Variants in F8 observed in about 807,000 individuals in gnomAD.
F8 encodes the protein coagulation factor VIII.
Under a neutral mutation model 140.6 loss-of-function variants are expected in F8, and 12 were observed. The observed-to-expected ratio is 0.09, with a 90% CI of 0.05 to 0.14. The LOEUF (loss-of-function observed/expected upper bound fraction) is 0.14. Among genes scored for constraint, F8 ranks in the 10% least tolerant of loss-of-function variants. The pLI is 1.00. For missense variants in F8, 1,354 were observed against 1,720.7 expected (o/e 0.79, Z 3.77); for synonymous variants, 585 against 614.6 (o/e 0.95, Z 0.71).
chrX:154,969,574 C>A, intron 6 of F8, 22 bp from the exon 7 acceptor site: 1 of 1,153,506 alleles, frequency 8.7e-7, no homozygotes, highest in Non-Finnish European at 1.2e-6. Context: ...GAATAAGACA[C>A]CTATGGCTAT....
chrX:154,854,170 TTA>T (rs1557272326), intron 25 of F8, among the ~76,000 whole-genome samples: 2 of 112,402 alleles, frequency 1.8e-5, no homozygotes, highest in Non-Finnish European at 3.8e-5. Context: ...GTGGTTAATT[TTA>T]TGTGTCAACT....
At chrX:154,946,598 T>C (rs1414718805) in intron 13 of F8, among the ~76,000 whole-genome samples, 4 of 111,731 alleles carry the variant, frequency 3.6e-5, no homozygotes, top group Admixed American at 1.9e-4. Flanking sequence ...GACTAAAATA[T>C]ACAACCTGAA....
chrX:154,850,277 T>A (rs1359618930), intron 25 of F8, among the ~76,000 whole-genome samples: 6 of 109,470 alleles, frequency 5.5e-5, no homozygotes, highest in African/African-American at 2.0e-4. Flanking sequence ...TACAAGCGCA[T>A]GCCAGCATGT....
chrX:154,986,828 A>G (rs1401081225), intron 5 of F8, among the ~76,000 whole-genome samples: 1 of 111,950 alleles, frequency 8.9e-6, no homozygotes, highest in Non-Finnish European at 1.9e-5. Context: ...ACAGTGCTCT[A>G]GGTTACTTAA....
intron 6 of F8, among the ~76,000 whole-genome samples, chrX:154,972,703 C>CTTTTTTTTTTTTTTTTTT (rs1557282690): frequency 1.5e-5 from 1 of 64,690 alleles, no homozygotes; most frequent in African/African-American, 6.9e-5. Flanking sequence ...TTCTTTCTGT[C>CTTTTTTTTTTTTTTTTTT]TTTCTTTTTT....
chrX:154,839,922 T>C (rs782235466), intron 25 of F8, among the ~76,000 whole-genome samples: 5 of 111,854 alleles, frequency 4.5e-5, no homozygotes, highest in Admixed American at 9.4e-5. Context: ...TTTGGAAAAA[T>C]TTTTGAGAAA....
At chrX:154,911,358 C>T (rs782027962) in intron 14 of F8, among the ~76,000 whole-genome samples, 30 of 108,318 alleles carry the variant, frequency 2.8e-4, no homozygotes, top group African/African-American at 9.4e-4. Context: ...TTCCATCCCA[C>T]CCCCCCATAC....
Position 154,861,783 on chromosome X carries a change from C to T in F8, c.6658G>A (p.Ala2220Thr). The stretch of plus-strand genomic sequence containing the variant: ...CGAGCTTTTGAAGGAGACCAGGTGG[C>T]AAACATATTGGTAAAGTAGGATGAA... ...TASSYFTNMF[A>T]TWSPSKARLH... The change falls in exon 24 of 26, where the codon GCC becomes ACC. Residue 2220 changes from alanine (A) to threonine (T), a missense_variant. This residue lies in a region of F8 where 316 missense variants were observed against 485.4 expected (regional missense o/e 0.65). Transcript: ENST00000360256. 8.3e-7 allele frequency: 1 copy of T among 1,211,461 alleles called. No homozygotes were observed. Among genetic ancestry groups the T allele is most frequent in the Non-Finnish European group, 1.1e-6 (1 of 895,258 alleles).
chrX:154,943,300 G>A (rs2073281141), intron 13 of F8, among the ~76,000 whole-genome samples: 1 of 111,938 alleles, frequency 8.9e-6, no homozygotes, highest in Non-Finnish European at 1.9e-5. Flanking sequence ...TCCTTAAGCT[G>A]ATAAGCAACT....
intron 22 of F8, among the ~76,000 whole-genome samples, chrX:154,890,080 C>T (rs1197986739): frequency 2.5e-5 from 2 of 78,749 alleles, no homozygotes; most frequent in Admixed American, 1.4e-4. Flanking sequence ...TAGAGGAGAC[C>T]AGCAGCCCAC....
chrX:154,911,494 G>A (rs1333424204), intron 14 of F8, among the ~76,000 whole-genome samples: 2 of 111,318 alleles, frequency 1.8e-5, no homozygotes, highest in African/African-American at 6.5e-5. Context: ...ACTTAACACA[G>A]TGACATCCAG....
intron 25 of F8, among the ~76,000 whole-genome samples, chrX:154,845,071 T>C (rs2072553885): frequency 8.9e-6 from 1 of 112,079 alleles, no homozygotes; most frequent in African/African-American, 3.3e-5. Context: ...TGTCTTTGGT[T>C]CTGTTTATAT....
intron 12 of F8, among the ~76,000 whole-genome samples, chrX:154,950,231 A>C (rs2073329823): frequency 8.9e-6 from 1 of 112,310 alleles, no homozygotes; most frequent in African/African-American, 3.2e-5. Flanking sequence ...GACATGATTC[A>C]GGACATAACA....
intron 25 of F8, among the ~76,000 whole-genome samples, chrX:154,856,508 T>A (rs782742341): frequency 3.2e-4 from 36 of 112,495 alleles, no homozygotes; most frequent in African/African-American, 1.1e-3. Flanking sequence ...TAGATTATAG[T>A]GTTCCTAGAT....
intron 25 of F8, among the ~76,000 whole-genome samples, chrX:154,842,675 G>A (rs1557271410): frequency 8.9e-6 from 1 of 112,013 alleles, no homozygotes; most frequent in African/African-American, 3.2e-5. Context: ...ATTGTGACCA[G>A]AAAACATGTT....
chrX:154,968,836 T>C (rs1271627115), intron 7 of F8, among the ~76,000 whole-genome samples: 6 of 110,469 alleles, frequency 5.4e-5, no homozygotes, highest in African/African-American at 2.0e-4. Context: ...AGCTCTACAA[T>C]AGCCTGTCAT....
chrX:154,849,061 C>T (rs5987047), intron 25 of F8, among the ~76,000 whole-genome samples: 1,371 of 111,362 alleles, frequency 0.012, 24 homozygotes, highest in African/African-American at 0.042. Context: ...TAAAATCTAG[C>T]CTCCCGAGTT....
chrX:154,868,539 G>A (rs782474341), intron 22 of F8, among the ~76,000 whole-genome samples: 1 of 111,615 alleles, frequency 9.0e-6, no homozygotes, highest in South Asian at 3.8e-4. Context: ...AAGAGCTCCT[G>A]AAAGAAGCAC....
chrX:154,894,963 C>G (rs1415526707), intron 22 of F8, among the ~76,000 whole-genome samples: 3 of 111,144 alleles, frequency 2.7e-5, no homozygotes, highest in African/African-American at 9.8e-5. Flanking sequence ...CCACTGTGTC[C>G]CAGTCTTGAT....
Sources: gnomAD v4.1 joint callset for allele counts (sites outside exome capture counted in the v4.1 genomes callset) on GRCh38, gnomAD v4.1.1 for gene constraint, gnomAD v4.1.1 regional missense constraint, MANE v1.5 for transcripts, NCBI Gene and HGNC (gene_info 2026-07-23, HGNC 2026-07-21) for gene names.